TAMM41: variants seen among roughly 807,000 people sequenced by gnomAD.
The protein encoded by TAMM41 is TAM41 mitochondrial translocator assembly and maintenance homolog.
Under a neutral mutation model 44.1 loss-of-function variants are expected in TAMM41, and 36 were observed. The observed-to-expected ratio is 0.82, with a 90% CI of 0.63 to 1.08. The LOEUF (loss-of-function observed/expected upper bound fraction) is 1.08, where lower values mean the gene tolerates loss of function less well. TAMM41 is among the 50% of genes least tolerant of loss of function. TAMM41 has a pLI of 0.00. For synonymous variants in TAMM41, 164 were observed against 153.1 expected (o/e 1.07, Z -0.53); for missense variants, 417 against 404.3 (o/e 1.03, Z -0.27).
chr3:11,817,699 AG>A (rs1489730500), intron 4 of TAMM41, among the ~76,000 whole-genome samples: 10 of 152,180 alleles, frequency 6.6e-5, no homozygotes, highest in Non-Finnish European at 4.4e-5. Context: ...TGAAGGAGAT[AG>A]GAGCTGTGCA....
intron 7 of TAMM41, among the ~76,000 whole-genome samples, chr3:11,801,619 C>G (rs1046079374): frequency 6.6e-6 from 1 of 152,092 alleles, no homozygotes; most frequent in Non-Finnish European, 1.5e-5. Flanking sequence ...AGCCACCATG[C>G]CTGACCTTAA....
Position 11,846,602 on chromosome 3 carries a change from G to A in TAMM41, c.35C>T (p.Thr12Ile). Residue 12 changes from threonine to isoleucine, a missense_variant, in exon 1 of 8, where the codon ACC becomes ATC. Thr to Ile is a moderately conservative substitution (Grantham distance 89, BLOSUM62 -1). Transcript: ENST00000455809. ...ALQTLQSSWV[T>I]FRKILSHFPE... is the part of the protein sequence containing the mutation. ...GAAGTGAGACAGGATCTTGCGGAAG[G>A]TCACCCACGAGCTCTGCAGCGTCTG... 4 of 1,614,238 alleles carry A rather than the reference G, an allele frequency of 2.5e-6. No individual in the cohort carries two copies. The highest frequency in any genetic ancestry group is 3.4e-6 in the Non-Finnish European group (4 of 1,180,046).
At position 11,807,884 on chromosome 3, in the gene TAMM41, T is replaced by C. The variant is rs1004829012; in HGVS notation, c.886A>G (p.Ile296Val). Residue 296 changes from isoleucine to valine, a missense_variant, in exon 7 of 8, where the codon ATC (isoleucine) becomes GTC (valine). By Grantham distance (29) the Ile-to-Val change is conservative. Coordinates refer to ENST00000455809, the MANE Select transcript of TAMM41 (RefSeq NM_001284401.2). ...GDVVRLGLSA[I>V]VRPSSIRQST... is the part of the protein sequence containing the mutation. ...TGTCTTATACTAGACGGTCTCACGA[T>C]TGCTGAAAGCCCTGCGAGAAAAAAA... The C allele has an allele frequency of 6.5e-7, 1 of 1,527,470 alleles. No individual in the cohort carries two copies. The highest frequency in any genetic ancestry group is 8.8e-7 in the Non-Finnish European group (1 of 1,142,528). The allele number at this position is 1,527,470 out of a possible 1,614,324, so 94.6% of individuals were successfully genotyped here. A position where few individuals can be genotyped will look rare whatever the true frequency, so the allele number is the denominator to read the frequency against.
intron 6 of TAMM41, chr3:11,808,805 A>T (rs1426307693): frequency 5.7e-6 from 1 of 174,542 alleles, no homozygotes; most frequent in Non-Finnish European, 1.1e-5. Flanking sequence ...AGCTCATTGC[A>T]GCCTCCAACT....
At chr3:11,729,501 T>TTTTC in the TAMM41 span, among the ~76,000 whole-genome samples, 75 of 147,458 alleles carry the variant, frequency 5.1e-4, no homozygotes, top group Middle Eastern at 3.4e-3. Flanking sequence ...TACCCTGTCT[T>TTTTC]TTTCTTTCTT....
chr3:11,792,026 G>A (rs1477758975), intron 7 of TAMM41, among the ~76,000 whole-genome samples: 1 of 152,174 alleles, frequency 6.6e-6, no homozygotes, highest in Non-Finnish European at 1.5e-5. Context: ...ACATGGAAAG[G>A]TTCATATAGC....
downstream of TAMM41, among the ~76,000 whole-genome samples, chr3:11,786,168 G>T (rs1406584159): frequency 6.6e-6 from 1 of 151,936 alleles, no homozygotes; most frequent in African/African-American, 2.4e-5. Flanking sequence ...CAGCTTCTCT[G>T]CACGTAATCC....
At chr3:11,818,161 A>C (rs570075393) in intron 4 of TAMM41, among the ~76,000 whole-genome samples, 1 of 152,342 alleles carries the variant, frequency 6.6e-6, no homozygotes, top group Admixed American at 6.5e-5. Context: ...AATGTGGCTG[A>C]ATCCTTTGTT....
chr3:11,764,486 C>CTTTTTTTTTTTTTTTTTTTTTTTT, the TAMM41 span, among the ~76,000 whole-genome samples: 3 of 68,140 alleles, frequency 4.4e-5, no homozygotes, highest in African/African-American at 1.4e-4. Context: ...TAATCTTATT[C>CTTTTTTTTTTTTTTTTTTTTTTTT]TTTTTTTTTT....
At chr3:11,757,327 G>A in the TAMM41 span, among the ~76,000 whole-genome samples, 29 of 152,192 alleles carry the variant, frequency 1.9e-4, no homozygotes, top group Admixed American at 1.9e-3. Flanking sequence ...AGTGGACTCA[G>A]AGTTTGAAAA....
At chr3:11,725,228 TCCTTCTCCTTCTCCTCCC>T in the TAMM41 span, among the ~76,000 whole-genome samples, 1 of 136,306 alleles carries the variant, frequency 7.3e-6, no homozygotes. Context: ...CTCCCTCTCC[TCCTTCTCCTTCTCCTCCC>T]CCTCCTCCTT....
the TAMM41 span, among the ~76,000 whole-genome samples, chr3:11,785,049 AT>A: frequency 6.6e-6 from 1 of 151,988 alleles, no homozygotes; most frequent in Non-Finnish European, 1.5e-5. Flanking sequence ...GTGTATGGAA[AT>A]TTACATATGA....
chr3:11,787,888 C>T (rs182221864), downstream of TAMM41, among the ~76,000 whole-genome samples: 8 of 152,354 alleles, frequency 5.3e-5, no homozygotes, highest in Admixed American at 3.9e-4. Flanking sequence ...AAGAGTTCCA[C>T]TTCCCTCAGA....
At chr3:11,764,799 C>G in the TAMM41 span, among the ~76,000 whole-genome samples, 5 of 152,120 alleles carry the variant, frequency 3.3e-5, no homozygotes, top group Non-Finnish European at 7.4e-5. Flanking sequence ...GCCCATCTTA[C>G]TCTTTTTCAA....
rs751033229 is a variant in TAMM41 at position 11,790,557 on chromosome 3, C to CTATA, written c.958_961dup (p.Ser321IlefsTer2). On this transcript the variant is annotated stop_gained and frameshift_variant, in exon 8 of 8. Transcript: ENST00000455809. LOFTEE classifies it high-confidence loss of function. ...CCACATTTTGTGCAGTTTTAGTGAA[C>CTATA]TATAAATCACTGACTTCTTCAGGCC... 39 of 1,613,918 alleles carry CTATA rather than the reference C, an allele frequency of 2.4e-5. No homozygotes were observed. Among genetic ancestry groups the CTATA allele is most frequent in the Non-Finnish European group, 2.9e-5 (34 of 1,179,982 alleles).
At chr3:11,819,748 G>A (rs1462491568) in intron 4 of TAMM41, among the ~76,000 whole-genome samples, 1 of 151,470 alleles carries the variant, frequency 6.6e-6, no homozygotes, top group African/African-American at 2.4e-5. Flanking sequence ...TTTTTTTTAA[G>A]CATACCAAAA....
At chr3:11,758,455 G>A in the TAMM41 span, among the ~76,000 whole-genome samples, 2 of 152,108 alleles carry the variant, frequency 1.3e-5, no homozygotes, top group Non-Finnish European at 2.9e-5. Context: ...AGGTTCAAGC[G>A]ATTCTCCTGC....
chr3:11,752,752 G>A, the TAMM41 span, among the ~76,000 whole-genome samples: 7 of 145,296 alleles, frequency 4.8e-5, no homozygotes, highest in South Asian at 6.7e-4. Flanking sequence ...CGATCCTCCT[G>A]CCTGACCCTT....
chr3:11,840,156 C>T (rs771312456), intron 2 of TAMM41, among the ~76,000 whole-genome samples: 2 of 152,228 alleles, frequency 1.3e-5, no homozygotes, highest in South Asian at 2.1e-4. Context: ...CCCTAACTGC[C>T]GAGCTTTCAG....
Sources: allele counts gnomAD v4.1 joint callset (sites outside exome capture counted in the v4.1 genomes callset), GRCh38; gene constraint gnomAD v4.1.1; transcripts MANE v1.5; gene names NCBI Gene and HGNC (gene_info 2026-07-23, HGNC 2026-07-21).